Variants in RNF150 observed in about 807,000 individuals in gnomAD.
RNF150 encodes ring finger protein 150.
A neutral mutation model predicts 39.3 loss-of-function variants in RNF150; 24 were observed. The observed-to-expected ratio is 0.61, with a 90% CI of 0.44 to 0.86. RNF150 has a LOEUF of 0.86. Ranked by LOEUF, RNF150 falls within the 40% of genes least tolerant of loss-of-function variation. RNF150 has a pLI of 0.00. For missense variants in RNF150, 502 were observed against 587.8 expected, an observed-to-expected ratio of 0.85 and a Z score of 1.51; for synonymous variants, 255 against 227.3, an observed-to-expected ratio of 1.12 and a Z score of -1.10.
At chr4:141,175,788 C>T (rs1021691945) in intron 1 of RNF150, among the ~76,000 whole-genome samples, 6 of 152,180 alleles carry the variant, frequency 3.9e-5, no homozygotes, top group African/African-American at 1.2e-4. Context: ...AATGGTCAGA[C>T]TCTGGTGAAG....
intron 1 of RNF150, among the ~76,000 whole-genome samples, chr4:141,039,951 C>T (rs949966529): frequency 6.6e-6 from 1 of 152,124 alleles, no homozygotes; most frequent in Non-Finnish European, 1.5e-5. Context: ...TCCTCCCCTG[C>T]GTGCCCTGAT....
intron 1 of RNF150, among the ~76,000 whole-genome samples, chr4:141,034,146 C>G (rs1197269994): frequency 6.6e-6 from 1 of 152,208 alleles, no homozygotes; most frequent in Non-Finnish European, 1.5e-5. Flanking sequence ...AAGCCCCCTT[C>G]AATTATCCTA....
chr4:140,926,079 A>G lies in RNF150; in HGVS notation c.891-6T>C, dbSNP rs972156237. On this transcript the variant is annotated splice_region_variant and splice_polypyrimidine_tract_variant and intron_variant, in intron 4 of 6. Transcript: ENST00000515673. The stretch of plus-strand genomic sequence containing the variant: ...AGGACTTGTGGAAAAGATGCCTGCA[A>G]TGAGAACCATACATCTTAGAGCGGC... 6.3e-7 allele frequency: 1 copy of G among 1,599,054 alleles called. No individual in the cohort carries two copies. The highest frequency in any genetic ancestry group is 8.6e-7 in the Non-Finnish European group (1 of 1,166,156).
intron 1 of RNF150, among the ~76,000 whole-genome samples, chr4:141,094,387 A>C (rs969548834): frequency 3.9e-5 from 6 of 152,260 alleles, no homozygotes; most frequent in African/African-American, 1.4e-4. Flanking sequence ...TGGAAGCTGA[A>C]AGACAATGGA....
At chr4:140,890,066 C>T (rs1367849698) in intron 6 of RNF150, among the ~76,000 whole-genome samples, 2 of 152,178 alleles carry the variant, frequency 1.3e-5, no homozygotes, top group Non-Finnish European at 1.5e-5. Flanking sequence ...ATATCCCCAA[C>T]ACAGCAACCA....
intron 1 of RNF150, among the ~76,000 whole-genome samples, chr4:141,211,116 T>A (rs1728457541): frequency 6.6e-6 from 1 of 152,186 alleles, no homozygotes; most frequent in Non-Finnish European, 1.5e-5. Context: ...CCTTGTTGAA[T>A]CCATCATTAA....
intron 1 of RNF150, among the ~76,000 whole-genome samples, chr4:141,205,181 G>A (rs1278204560): frequency 6.6e-6 from 1 of 152,080 alleles, no homozygotes; most frequent in Non-Finnish European, 1.5e-5. Context: ...CAAGTATTAA[G>A]AAATCATATT....
chr4:141,106,535 G>GT (rs1376574841), intron 1 of RNF150, among the ~76,000 whole-genome samples: 1 of 152,164 alleles, frequency 6.6e-6, no homozygotes, highest in Non-Finnish European at 1.5e-5. Context: ...GCTCACGCCT[G>GT]TAATACCAGC....
At chr4:140,996,679 T>A (rs1224492422) in intron 1 of RNF150, among the ~76,000 whole-genome samples, 2 of 152,232 alleles carry the variant, frequency 1.3e-5, no homozygotes, top group South Asian at 2.1e-4. Flanking sequence ...AGGTAAAAAA[T>A]TTTGGTTTCT....
At chr4:141,089,858 T>C (rs11931358) in intron 1 of RNF150, among the ~76,000 whole-genome samples, 21,197 of 152,252 alleles carry the variant, frequency 0.14, 1,563 homozygotes, top group East Asian at 0.24. Flanking sequence ...TACAGCAACA[T>C]GTCATAGAGT....
chr4:141,020,138 C>T (rs1458626649), intron 1 of RNF150, among the ~76,000 whole-genome samples: 1 of 151,514 alleles, frequency 6.6e-6, no homozygotes, highest in Non-Finnish European at 1.5e-5. Context: ...TACTGGTCAA[C>T]TTCAAGAAAA....
intron 1 of RNF150, among the ~76,000 whole-genome samples, chr4:141,185,757 C>A (rs551787965): frequency 6.6e-6 from 1 of 152,138 alleles, no homozygotes; most frequent in East Asian, 1.9e-4. Flanking sequence ...TGAATTTTAT[C>A]GAAAGCCTTT....
At chr4:141,125,265 G>A (rs117115015) in intron 1 of RNF150, among the ~76,000 whole-genome samples, 3 of 152,086 alleles carry the variant, frequency 2.0e-5, no homozygotes, top group Non-Finnish European at 4.4e-5. Context: ...TATACCTGTA[G>A]ACAAGGTTTC....
chr4:141,202,101 A>G (rs1477339917), intron 1 of RNF150, among the ~76,000 whole-genome samples: 3 of 152,196 alleles, frequency 2.0e-5, no homozygotes, highest in Non-Finnish European at 4.4e-5. Flanking sequence ...CCTTCAAAAT[A>G]AGTTTCTGTT....
At chr4:141,088,706 CACTT>C (rs1200817884) in intron 1 of RNF150, among the ~76,000 whole-genome samples, 37 of 151,152 alleles carry the variant, frequency 2.4e-4, no homozygotes, top group African/African-American at 8.8e-4. Context: ...CACACACACA[CACTT>C]GAAAAGAGAG....
Position 140,949,651 on chromosome 4 carries a change from T to G in RNF150, c.736-279A>C, listed in dbSNP as rs148219206. ...TAGATCCTGCCCTACAGTTCTACAG[T>G]GCAGGTTATATGTGCATACACTACC... On this transcript the variant is annotated intron_variant, in intron 2 of 6. Coordinates refer to ENST00000515673, the MANE Select transcript of RNF150 (RefSeq NM_020724.2). Among the ~76,000 whole-genome samples the G allele has an allele frequency of 4.8e-3, 728 of 150,132 alleles. 4 individuals are homozygous for G. The highest frequency in any genetic ancestry group is 0.017 in the African/African-American group (695 of 40,728).
At chr4:140,963,657 AAAT>A (rs1203516142) in intron 2 of RNF150, among the ~76,000 whole-genome samples, 2 of 152,028 alleles carry the variant, frequency 1.3e-5, no homozygotes, top group Non-Finnish European at 2.9e-5. Context: ...AATGGCAAAC[AAAT>A]AATAAATAAA....
chr4:141,042,934 T>C (rs899815125), intron 1 of RNF150, among the ~76,000 whole-genome samples: 1 of 152,100 alleles, frequency 6.6e-6, no homozygotes, highest in Non-Finnish European at 1.5e-5. Context: ...GGATTAAATA[T>C]CTAATGGTAA....
intron 1 of RNF150, among the ~76,000 whole-genome samples, chr4:141,165,824 TA>T (rs1378558273): frequency 6.6e-6 from 1 of 152,086 alleles, no homozygotes; most frequent in Non-Finnish European, 1.5e-5. Flanking sequence ...TTTATAGCAC[TA>T]AATGCCCACA....
Sources: allele counts gnomAD v4.1 joint callset (sites outside exome capture counted in the v4.1 genomes callset), GRCh38; gene constraint gnomAD v4.1.1; transcripts MANE v1.5; gene names NCBI Gene and HGNC (gene_info 2026-07-23, HGNC 2026-07-21).